The following CFAP43 variants were observed in gnomAD, a reference collection of about 807,000 sequenced individuals.
The protein encoded by CFAP43 is cilia and flagella associated protein 43, also known as cilia- and flagella-associated protein 43.
A neutral mutation model predicts 218.9 loss-of-function variants in CFAP43; 155 were observed. The observed-to-expected ratio is 0.71, with a 90% CI of 0.62 to 0.81. The LOEUF is 0.81. Among genes scored for constraint, CFAP43 ranks in the 30% least tolerant of loss-of-function variants. CFAP43 has a pLI of 0.00. For synonymous variants in CFAP43, 645 were observed against 681.3 expected, an observed-to-expected ratio of 0.95 and a Z score of 0.83; for missense variants, 1,778 against 1,954.3, an observed-to-expected ratio of 0.91 and a Z score of 1.70.
rs1305267806 is a variant in CFAP43, at chr10:104,140,824, A to C, written c.4431+18T>G. 2 of 1,568,314 alleles carry C rather than the reference A, an allele frequency of 1.3e-6. No homozygotes were observed. The highest frequency in any genetic ancestry group is 1.7e-6 in the Non-Finnish European group (2 of 1,159,192). On this transcript the variant is annotated intron_variant, in intron 34 of 37. Coordinates refer to ENST00000357060, the MANE Select transcript of CFAP43 (RefSeq NM_025145.7). ...AAGCAAGACCTTGAATTAAAATAAAAATAAAAAGTATAATTACCCGAATCA... is the reference window on the plus strand; with the variant it reads ...AAGCAAGACCTTGAATTAAAATAAACATAAAAAGTATAATTACCCGAATCA...
At chr10:104,153,762 TTCTCTC>T (rs35514998) in intron 27 of CFAP43, among the ~76,000 whole-genome samples, 3 of 148,120 alleles carry the variant, frequency 2.0e-5, no homozygotes, top group African/African-American at 2.5e-5. Context: ...TTTATCACTT[TTCTCTC>T]TCTCTCTCTC....
intron 5 of CFAP43, among the ~76,000 whole-genome samples, chr10:104,210,348 T>C (rs1379318643): frequency 1.3e-5 from 2 of 152,242 alleles, no homozygotes; most frequent in Non-Finnish European, 2.9e-5. Flanking sequence ...ATCTTCACAC[T>C]GAATTATTTT....
At chr10:104,205,000 G>A (rs576478198) in intron 7 of CFAP43, among the ~76,000 whole-genome samples, 2 of 152,096 alleles carry the variant, frequency 1.3e-5, no homozygotes, top group East Asian at 3.9e-4. Context: ...GGATCATGAG[G>A]TCAGGAGATC....
intron 15 of CFAP43, 126 bp from the exon 16 acceptor site, chr10:104,185,272 G>A (rs1589730368): frequency 1.6e-6 from 2 of 1,261,382 alleles, no homozygotes; most frequent in African/African-American, 1.5e-5. Context: ...CATTTTAATT[G>A]GTATGGAAGT....
intron 3 of CFAP43, among the ~76,000 whole-genome samples, chr10:104,220,717 G>C (rs924252521): frequency 5.3e-5 from 8 of 152,104 alleles, no homozygotes; most frequent in Non-Finnish European, 1.0e-4. Context: ...GACACTCCTG[G>C]GGAATGTAAC....
intron 35 of CFAP43, chr10:104,133,353 G>A (rs1007145823): frequency 2.8e-5 from 8 of 283,782 alleles, no homozygotes; most frequent in Non-Finnish European, 3.2e-5. Flanking sequence ...AATTAAGATG[G>A]TTAAATGCTA....
At chr10:104,170,118 C>T (rs934301413) in intron 20 of CFAP43, among the ~76,000 whole-genome samples, 2 of 152,088 alleles carry the variant, frequency 1.3e-5, no homozygotes, top group African/African-American at 4.8e-5. Flanking sequence ...GTTTATGGTG[C>T]CATCTGCTAA....
At position 104,162,056 on chromosome 10, in the gene CFAP43, G is replaced by C. The variant is rs752057015; in HGVS notation, c.3334-15C>G. On this transcript the variant is annotated splice_polypyrimidine_tract_variant and intron_variant, in intron 25 of 37. Coordinates refer to ENST00000357060, the MANE Select transcript of CFAP43 (RefSeq NM_025145.7). Reference sequence around the variant, plus strand: ...GTACTGGCATCCTGGGAAAGAGCCAGAATCAGAGAGGAATACTGAGACAGA... The same window carrying C: ...GTACTGGCATCCTGGGAAAGAGCCACAATCAGAGAGGAATACTGAGACAGA... 7.5e-6 allele frequency: 12 copies of C among 1,610,074 alleles called. No homozygotes were observed. In the Admixed American group the frequency reaches 1.0e-4, roughly 14 times the overall value.
chr10:104,232,272 C>G lies in CFAP43; in HGVS notation c.-26G>C, dbSNP rs1356951182. ...GGGCAGTGTTTTCCTCAGGCGGGAG[C>G]AGGCAGCGCACGCAGCACCCCAGGG... On this transcript the variant is annotated 5_prime_UTR_variant, in exon 1 of 38. Coordinates refer to ENST00000357060, the MANE Select transcript of CFAP43 (RefSeq NM_025145.7). 3 of 1,582,556 alleles carry G rather than the reference C, an allele frequency of 1.9e-6. No individual in the cohort carries two copies. Among genetic ancestry groups the G allele is most frequent in the Non-Finnish European group, 2.6e-6 (3 of 1,167,180 alleles).
intron 3 of CFAP43, among the ~76,000 whole-genome samples, chr10:104,219,910 T>C (rs1168681092): frequency 6.6e-6 from 1 of 152,228 alleles, no homozygotes; most frequent in Admixed American, 6.5e-5. Context: ...GTTCATCCTT[T>C]AGGTATTGCT....
chr10:104,200,680 A>T (rs931222034), intron 8 of CFAP43, among the ~76,000 whole-genome samples: 12 of 149,962 alleles, frequency 8.0e-5, no homozygotes, highest in African/African-American at 2.7e-4. Context: ...CAAAAAAAAA[A>T]AAAAAAAAAA....
At chr10:104,203,875 G>A (rs866745141) in intron 7 of CFAP43, 72 bp from the exon 8 acceptor site, 1 of 1,360,670 alleles carries the variant, frequency 7.3e-7, no homozygotes, top group East Asian at 2.5e-5. Flanking sequence ...CATCAGACAA[G>A]CTAAGGCTTA....
At position 104,172,558 on chromosome 10, in the gene CFAP43, G is replaced by A. The variant is rs376103453; in HGVS notation, c.2461-23C>T. ...AATCTGAATGTTGAAATAAAAAAGA[G>A]TGCTGACAAGTAAAGAATTAAACTG... On this transcript the variant is annotated intron_variant, in intron 19 of 37. Coordinates refer to ENST00000357060, the MANE Select transcript of CFAP43 (RefSeq NM_025145.7). 46 of 1,561,894 alleles carry A rather than the reference G, an allele frequency of 2.9e-5. 1 individual carries two copies. In the African/African-American group the frequency reaches 5.5e-4, roughly 19 times the overall value.
chr10:104,198,002 T>C lies in CFAP43; in HGVS notation c.1132A>G (p.Thr378Ala), dbSNP rs758066584. 14 of 1,613,688 alleles carry C rather than the reference T, an allele frequency of 8.7e-6. No homozygotes were observed. Among genetic ancestry groups the C allele is most frequent in the Admixed American group, 8.3e-5 (5 of 59,978 alleles). The change falls in exon 9 of 38, where the codon ACC becomes GCC. Residue 378 changes from threonine to alanine, a missense_variant. Physicochemically the swap from Thr to Ala is moderately conservative, Grantham distance 58. Coordinates refer to ENST00000357060, the MANE Select transcript of CFAP43 (RefSeq NM_025145.7). ...CAAGCATCTAGGACTTTATTTAAGG[T>C]TGGCTCCTTACCAAAAGTGTAGATA... is the stretch of plus-strand genomic sequence containing the variant. Reference protein sequence around the residue: ...VYIYTFGKEPTLNKVLDACDG... With the variant: ...VYIYTFGKEPALNKVLDACDG...
intron 16 of CFAP43, 144 bp downstream of exon 16, chr10:104,184,872 T>C (rs993110870): frequency 1.5e-6 from 2 of 1,333,748 alleles, no homozygotes; most frequent in Non-Finnish European, 2.0e-6. Flanking sequence ...TGTACGCTTC[T>C]CTTGGGATCT....
chr10:104,219,917 T>C (rs2091131093), intron 3 of CFAP43, among the ~76,000 whole-genome samples: 1 of 152,194 alleles, frequency 6.6e-6, no homozygotes, highest in Non-Finnish European at 1.5e-5. Context: ...CTTTAGGTAT[T>C]GCTATGGGTT....
At chr10:104,159,129 T>A (rs2088735650) in intron 27 of CFAP43, among the ~76,000 whole-genome samples, 1 of 152,052 alleles carries the variant, frequency 6.6e-6, no homozygotes, top group Non-Finnish European at 1.5e-5. Flanking sequence ...TACTGTTCTC[T>A]CTATTTTTAT....
chr10:104,132,242 A>G (rs1438768030), intron 35 of CFAP43, 46 bp from the exon 36 acceptor site: 8 of 1,311,580 alleles, frequency 6.1e-6, no homozygotes, highest in Non-Finnish European at 8.5e-6. Flanking sequence ...TCTCTCTTTC[A>G]ATAGATGACT....
chr10:104,148,131 G>A, intron 28 of CFAP43, 133 bp from the exon 29 acceptor site: 1 of 446,962 alleles, frequency 2.2e-6, no homozygotes, highest in Non-Finnish European at 3.9e-6. Flanking sequence ...ACATTTTAAA[G>A]AAAAAGGGAA....
Sources: gnomAD v4.1 joint callset for allele counts (sites outside exome capture counted in the v4.1 genomes callset) on GRCh38, gnomAD v4.1.1 for gene constraint, MANE v1.5 for transcripts, NCBI Gene and HGNC (gene_info 2026-07-23, HGNC 2026-07-21) for gene names.